The following ABI3BP variants were observed in gnomAD, a reference collection of about 807,000 sequenced individuals.
ABI3BP encodes target of Nesh-SH3.
In ABI3BP, 216 loss-of-function variants were observed where a neutral mutation model predicts 268.6. The ratio of observed to expected loss-of-function variants is 0.80; its 90% CI spans 0.72 to 0.90. The LOEUF is 0.90. Among genes scored for constraint, ABI3BP ranks in the 40% least tolerant of loss-of-function variants. The pLI, the probability that ABI3BP is intolerant of heterozygous loss-of-function variation, is 0.00. For missense variants in ABI3BP, 2,090 were observed against 2,182.4 expected (o/e 0.96, Z 0.84); for synonymous variants, 730 against 730.0 (o/e 1.00, Z 0.00).
At chr3:100,949,186 C>G (rs2073862920) in intron 1 of ABI3BP, among the ~76,000 whole-genome samples, 1 of 152,098 alleles carries the variant, frequency 6.6e-6, no homozygotes, top group African/African-American at 2.4e-5. Flanking sequence ...AGTAGGTAAA[C>G]TGACCCTATA....
chr3:100,783,145 T>A (rs1295330558), intron 57 of ABI3BP, among the ~76,000 whole-genome samples: 2 of 152,118 alleles, frequency 1.3e-5, no homozygotes, highest in African/African-American at 2.4e-5. Context: ...TTCCCTGTGA[T>A]CAAAAAGGGG....
chr3:100,799,890 T>C (rs778687358), intron 51 of ABI3BP, among the ~76,000 whole-genome samples: 2 of 152,156 alleles, frequency 1.3e-5, no homozygotes, highest in Non-Finnish European at 2.9e-5. Flanking sequence ...CCAGAAAACA[T>C]CTTCAACCAT....
chr3:100,829,589 G>A lies in ABI3BP; in HGVS notation c.2534C>T (p.Thr845Ile). The A allele has an allele frequency of 6.5e-7, 1 of 1,535,474 alleles. No homozygotes were observed. Among genetic ancestry groups the A allele is most frequent in the Non-Finnish European group, 8.7e-7 (1 of 1,146,300 alleles). The change falls in exon 33 of 68, where the codon ACT (threonine) becomes ATT (isoleucine). Residue 845 changes from threonine to isoleucine, a missense_variant. By Grantham distance (89) the Thr-to-Ile change is moderately conservative (BLOSUM62 -1). Coordinates refer to ENST00000471714, the MANE Select transcript of ABI3BP (RefSeq NM_001375547.2). Reference sequence around the variant, plus strand: ...ATGACCTACAAATTTACCCAGTTCAGTCTGAAGCTCTTCGGGACTCAGTGT... The same window carrying A: ...ATGACCTACAAATTTACCCAGTTCAATCTGAAGCTCTTCGGGACTCAGTGT... ...KTTLSPEELQ[T>I]ELVPATIFEP...
At chr3:100,753,673 T>C (rs372340935) in intron 65 of ABI3BP, 146 bp downstream of exon 65, 100 of 882,570 alleles carry the variant, frequency 1.1e-4, no homozygotes, top group South Asian at 9.1e-4. Flanking sequence ...TGTTGTACAA[T>C]GTGTAGGTAA....
intron 2 of ABI3BP, among the ~76,000 whole-genome samples, chr3:100,915,484 G>C (rs2058311512): frequency 6.6e-6 from 1 of 152,164 alleles, no homozygotes; most frequent in South Asian, 2.1e-4. Flanking sequence ...GTGGAGGGCA[G>C]CTGAAGTCGC....
chr3:100,792,854 T>C (rs945700078), intron 54 of ABI3BP, 86 bp from the exon 55 acceptor site: 1 of 1,118,370 alleles, frequency 8.9e-7, no homozygotes, highest in African/African-American at 1.6e-5. Flanking sequence ...TTCTGTCCCA[T>C]GCAATAATAA....
chr3:100,933,088 A>G (rs2064264999), intron 1 of ABI3BP, among the ~76,000 whole-genome samples: 1 of 152,008 alleles, frequency 6.6e-6, no homozygotes, highest in Non-Finnish European at 1.5e-5. Flanking sequence ...GTTGGTCAAC[A>G]TAATAAAATT....
chr3:100,951,408 T>C (rs2074954447), intron 1 of ABI3BP, among the ~76,000 whole-genome samples: 1 of 151,992 alleles, frequency 6.6e-6, no homozygotes, highest in Non-Finnish European at 1.5e-5. Context: ...TGTCTTTTGC[T>C]CCTTTAGAGA....
intron 43 of ABI3BP, chr3:100,816,260 T>C: frequency 2.2e-6 from 1 of 460,530 alleles, no homozygotes. Flanking sequence ...GCTTTGGAAA[T>C]TTGTTTAGGC....
At chr3:100,784,152 C>T (rs534875692) in intron 57 of ABI3BP, among the ~76,000 whole-genome samples, 1 of 152,222 alleles carries the variant, frequency 6.6e-6, no homozygotes, top group African/African-American at 2.4e-5. Flanking sequence ...CAAGATATTC[C>T]TGGGGCTTAC....
intron 54 of ABI3BP, 57 bp from the exon 55 acceptor site, chr3:100,792,825 C>CA: frequency 2.1e-6 from 3 of 1,415,884 alleles, no homozygotes; most frequent in African/African-American, 1.4e-5. Flanking sequence ...TGAATATGAC[C>CA]AAAAAAACCC....
Position 100,832,364 on chromosome 3 carries a change from A to G in ABI3BP, c.2315-14T>C. The stretch of plus-strand genomic sequence containing the variant: ...TTGTTGTTGGAGCTGAAGGAAGAAA[A>G]TTTAGGATTAATATGGTGCTGATGG... On this transcript the variant is annotated splice_polypyrimidine_tract_variant and intron_variant, in intron 30 of 67. Transcript: ENST00000471714. 2 of 1,534,908 alleles carry G rather than the reference A, an allele frequency of 1.3e-6. No homozygotes were observed. The highest frequency in any genetic ancestry group is 1.7e-6 in the Non-Finnish European group (2 of 1,146,100).
chr3:100,884,443 A>G (rs1253673171), intron 6 of ABI3BP, among the ~76,000 whole-genome samples: 3 of 152,160 alleles, frequency 2.0e-5, no homozygotes, highest in Non-Finnish European at 4.4e-5. Flanking sequence ...TTCAAACCAC[A>G]TGAACAACAT....
intron 1 of ABI3BP, among the ~76,000 whole-genome samples, chr3:100,964,427 C>A (rs1192963767): frequency 6.6e-6 from 1 of 152,190 alleles, no homozygotes; most frequent in African/African-American, 2.4e-5. Context: ...GCCAGCCGGT[C>A]CTTTCTGCTC....
chr3:100,839,956 T>C, intron 23 of ABI3BP, 116 bp downstream of exon 23: 1 of 795,306 alleles, frequency 1.3e-6, no homozygotes, highest in Non-Finnish European at 2.1e-6. Flanking sequence ...AGATGCTCAG[T>C]TATAAAAGTC....
intron 2 of ABI3BP, among the ~76,000 whole-genome samples, chr3:100,914,625 C>T (rs1405026523): frequency 6.6e-6 from 1 of 152,122 alleles, no homozygotes; most frequent in East Asian, 1.9e-4. Flanking sequence ...CTCATTGGCC[C>T]GCTATAGAGA....
chr3:100,908,704 T>C (rs950135375), intron 2 of ABI3BP, among the ~76,000 whole-genome samples: 2 of 152,098 alleles, frequency 1.3e-5, no homozygotes, highest in Non-Finnish European at 2.9e-5. Flanking sequence ...TTACAAGGGA[T>C]GTGAAGGACC....
intron 4 of ABI3BP, among the ~76,000 whole-genome samples, chr3:100,896,238 G>C (rs1445084698): frequency 2.0e-5 from 3 of 152,148 alleles, no homozygotes; most frequent in Admixed American, 2.0e-4. Context: ...GTGAGGGTGA[G>C]GGTGAGATCC....
intron 50 of ABI3BP, among the ~76,000 whole-genome samples, chr3:100,807,718 G>A (rs2097753552): frequency 6.6e-6 from 1 of 151,956 alleles, no homozygotes; most frequent in East Asian, 1.9e-4. Context: ...TAGATTAGTG[G>A]TCGCGAAGCT....
Sources: allele counts gnomAD v4.1 joint callset (sites outside exome capture counted in the v4.1 genomes callset), GRCh38; gene constraint gnomAD v4.1.1; transcripts MANE v1.5; gene names NCBI Gene and HGNC (gene_info 2026-07-23, HGNC 2026-07-21).